MAST4: variants seen among roughly 807,000 people sequenced by gnomAD.
MAST4 encodes microtubule associated serine/threonine kinase family member 4.
MAST4 carries 89 observed loss-of-function variants against 162.7 expected under a neutral mutation model. That is an observed-to-expected ratio of 0.55 (90% confidence interval 0.46 to 0.65). The LOEUF (loss-of-function observed/expected upper bound fraction) is 0.65. Among genes scored for constraint, MAST4 ranks in the 30% least tolerant of loss-of-function variants. The pLI is 0.00. For synonymous variants in MAST4, 1,479 were observed against 1,361.1 expected, an observed-to-expected ratio of 1.09 and a Z score of -1.91; for missense variants, 3,153 against 3,374.0, an observed-to-expected ratio of 0.93 and a Z score of 1.62.
intron 4 of MAST4, among the ~76,000 whole-genome samples, chr5:67,049,020 T>TATATACACGTATATATATATATATAC (rs1561576121): frequency 9.7e-6 from 1 of 102,924 alleles, no homozygotes; most frequent in African/African-American, 4.1e-5. Flanking sequence ...TATATATATA[T>TATATACACGTATATATATATATATAC]ACGTATATAT....
At chr5:66,743,791 A>C (rs917388181) in intron 1 of MAST4, among the ~76,000 whole-genome samples, 12 of 152,164 alleles carry the variant, frequency 7.9e-5, no homozygotes, top group African/African-American at 2.4e-4. Flanking sequence ...TTGGAATTTT[A>C]AAATTTTTTT....
At chr5:66,664,399 C>T (rs1484030647) in intron 1 of MAST4, among the ~76,000 whole-genome samples, 1 of 143,266 alleles carries the variant, frequency 7.0e-6, no homozygotes, top group East Asian at 2.0e-4. Context: ...GGCACCATTG[C>T]ACTCCAGCCT....
chr5:66,985,998 T>A (rs1264808875), intron 4 of MAST4, among the ~76,000 whole-genome samples: 1 of 152,088 alleles, frequency 6.6e-6, no homozygotes, highest in Non-Finnish European at 1.5e-5. Flanking sequence ...CCAATAATGA[T>A]CCCACGGTAG....
chr5:66,751,037 C>A (rs1753126002), intron 1 of MAST4, among the ~76,000 whole-genome samples: 1 of 152,094 alleles, frequency 6.6e-6, no homozygotes, highest in Non-Finnish European at 1.5e-5. Context: ...CAGGGGCACA[C>A]TGACATCTCA....
intron 4 of MAST4, among the ~76,000 whole-genome samples, chr5:66,952,050 T>C (rs544162850): frequency 1.3e-5 from 2 of 152,252 alleles, no homozygotes; most frequent in East Asian, 3.9e-4. Context: ...TTTATTTCAT[T>C]GTTCATGTGG....
At chr5:66,858,435 T>C (rs1759845867) in intron 3 of MAST4, among the ~76,000 whole-genome samples, 1 of 152,178 alleles carries the variant, frequency 6.6e-6, no homozygotes. Context: ...ATCATTTACT[T>C]AGTGTGTCTT....
chr5:66,880,416 G>A (rs1761614736), intron 3 of MAST4, among the ~76,000 whole-genome samples: 2 of 152,176 alleles, frequency 1.3e-5, no homozygotes, highest in East Asian at 1.9e-4. Flanking sequence ...TTTATAGACT[G>A]TGGTAATATA....
At chr5:66,966,950 A>G (rs945555744) in intron 4 of MAST4, among the ~76,000 whole-genome samples, 1 of 152,218 alleles carries the variant, frequency 6.6e-6, no homozygotes, top group African/African-American at 2.4e-5. Context: ...AGAAAGTTGT[A>G]GGTAGAGATA....
chr5:66,684,608 C>T (rs969066979), intron 1 of MAST4, among the ~76,000 whole-genome samples: 4 of 152,164 alleles, frequency 2.6e-5, no homozygotes, highest in African/African-American at 9.7e-5. Flanking sequence ...GGGTTGAAAA[C>T]CTGCCTAAAG....
chr5:66,772,947 G>GCA (rs1201019127), intron 2 of MAST4, among the ~76,000 whole-genome samples: 2 of 152,134 alleles, frequency 1.3e-5, no homozygotes, highest in African/African-American at 4.8e-5. Flanking sequence ...GAACCCCTGT[G>GCA]CACACACACA....
chr5:67,121,984 C>T (rs950054705), intron 14 of MAST4, among the ~76,000 whole-genome samples: 1 of 151,946 alleles, frequency 6.6e-6, no homozygotes, highest in African/African-American at 2.4e-5. Flanking sequence ...CAAAATTGAA[C>T]TGTATCCTAA....
chr5:67,135,660 A>T (rs1002965602), intron 18 of MAST4, among the ~76,000 whole-genome samples: 13 of 152,232 alleles, frequency 8.5e-5, no homozygotes, highest in African/African-American at 3.1e-4. Flanking sequence ...TGAGCTGTTT[A>T]TGGATTTATA....
intron 3 of MAST4, among the ~76,000 whole-genome samples, chr5:66,878,298 A>C (rs919591615): frequency 2.6e-5 from 4 of 152,260 alleles, no homozygotes; most frequent in Non-Finnish European, 5.9e-5. Flanking sequence ...AAGCTATGAC[A>C]GCGTGTATCA....
chr5:66,997,100 C>T (rs1750726617), intron 4 of MAST4, among the ~76,000 whole-genome samples: 1 of 152,066 alleles, frequency 6.6e-6, no homozygotes, highest in Non-Finnish European at 1.5e-5. Flanking sequence ...TGTGTGCATA[C>T]TTGATTGTAT....
chr5:67,145,221 T>G lies in MAST4; in HGVS notation c.2936T>G (p.Leu979Arg). 1 of 1,613,674 alleles carries G rather than the reference T, an allele frequency of 6.2e-7. No homozygotes were observed. The highest frequency in any genetic ancestry group is 8.5e-7 in the Non-Finnish European group (1 of 1,179,778). ...HKLSSGLLPK[L>R]AISTEGEQDE... ...CTCAGTTCTGGCCTACTTCCCAAAC[T>G]GGCTATTTCAACAGAGGGAGAGCAA... Residue 979 changes from leucine (L) to arginine (R), a missense_variant, in exon 23 of 29, where the codon CTG (leucine) becomes CGG (arginine). Leu to Arg is a moderately radical substitution (Grantham distance 102). Around this residue, in one of 7 missense-constraint regions of MAST4, gnomAD observed 619 missense variants for 744.2 expected, o/e 0.83. Coordinates refer to ENST00000403625, the MANE Select transcript of MAST4 (RefSeq NM_001164664.2).
At chr5:66,916,868 C>T in intron 4 of MAST4, 1 of 622,428 alleles carries the variant, frequency 1.6e-6, no homozygotes, top group Non-Finnish European at 3.0e-6. Context: ...TTCCTATTAA[C>T]TGACATTCTT....
chr5:67,154,608 G>A lies in MAST4; in HGVS notation c.3648+1028G>A, dbSNP rs139568221. ...TATTGTCTTGCCCTCATCTGGCTAC[G>A]GAGCACCTTGCACAACCCAAAGCCT... On this transcript the variant is annotated intron_variant, in intron 26 of 28. Coordinates refer to ENST00000403625, the MANE Select transcript of MAST4 (RefSeq NM_001164664.2). Among the ~76,000 whole-genome samples the A allele has an allele frequency of 3.7e-3, 566 of 152,256 alleles. 2 individuals carry two copies. The highest frequency in any genetic ancestry group is 0.013 in the African/African-American group (543 of 41,530).
intron 4 of MAST4, among the ~76,000 whole-genome samples, chr5:66,989,521 T>G (rs1020594605): frequency 4.6e-5 from 7 of 152,134 alleles, no homozygotes; most frequent in Admixed American, 1.3e-4. Flanking sequence ...ACAGCAGGAA[T>G]GCAGGTCTGT....
At chr5:67,140,200 A>G (rs534936517) in intron 19 of MAST4, among the ~76,000 whole-genome samples, 1 of 152,262 alleles carries the variant, frequency 6.6e-6, no homozygotes, top group East Asian at 1.9e-4. Context: ...CTAGGAGTCC[A>G]GAGATGTGTG....
Sources: gnomAD v4.1 joint callset for allele counts (sites outside exome capture counted in the v4.1 genomes callset) on GRCh38, gnomAD v4.1.1 for gene constraint, gnomAD v4.1.1 regional missense constraint, MANE v1.5 for transcripts, NCBI Gene and HGNC (gene_info 2026-07-23, HGNC 2026-07-21) for gene names.